Variants in MYO5B observed in about 807,000 individuals in gnomAD.
MYO5B encodes the protein myosin VB, also known as unconventional myosin-Vb.
A neutral mutation model predicts 229.3 loss-of-function variants in MYO5B; 143 were observed. That is an observed-to-expected ratio of 0.62 (90% CI 0.54 to 0.72). MYO5B has a LOEUF of 0.72. MYO5B is among the 30% of genes least tolerant of loss of function. The probability of loss-of-function intolerance (pLI) is 0.00; values close to 1 mark genes in which losing one functional copy is unlikely to be tolerated. For missense variants in MYO5B, 2,321 were observed against 2,331.0 expected, an observed-to-expected ratio of 1.00 and a Z score of 0.09; for synonymous variants, 918 against 885.2, an observed-to-expected ratio of 1.04 and a Z score of -0.66.
rs959936159 is a variant in MYO5B at position 49,958,081 on chromosome 18, T to C, written c.1546-3646A>G. Among the ~76,000 whole-genome samples the C allele has an allele frequency of 5.3e-5, 8 of 152,226 alleles. No individual in the cohort carries two copies. The South Asian group carries it at 1.7e-3, about 32-fold the overall frequency. On this transcript the variant is annotated intron_variant, in intron 12 of 39. Coordinates refer to ENST00000285039, the MANE Select transcript of MYO5B (RefSeq NM_001080467.3). ...TGCACGCTCAGCAAAACATTAATTC[T>C]AGATAAATCCAACTACCCATTCTCT...
At chr18:50,122,213 C>G (rs753067912) in intron 1 of MYO5B, among the ~76,000 whole-genome samples, 4 of 152,114 alleles carry the variant, frequency 2.6e-5, no homozygotes, top group Non-Finnish European at 5.9e-5. Flanking sequence ...AAACACCCTT[C>G]TCCTAATCAC....
intron 19 of MYO5B, among the ~76,000 whole-genome samples, chr18:49,905,164 C>G (rs2024885808): frequency 6.6e-6 from 1 of 152,226 alleles, no homozygotes; most frequent in South Asian, 2.1e-4. Context: ...TCACCAGTAG[C>G]ATTCTACATC....
intron 6 of MYO5B, among the ~76,000 whole-genome samples, chr18:49,991,470 C>T (rs762556550): frequency 5.3e-5 from 8 of 151,970 alleles, no homozygotes; most frequent in South Asian, 2.1e-4. Context: ...CTTCTATCGG[C>T]GTTGTGAGTT....
At chr18:49,898,036 T>C (rs147861355) in intron 21 of MYO5B, among the ~76,000 whole-genome samples, 5 of 152,326 alleles carry the variant, frequency 3.3e-5, no homozygotes, top group Non-Finnish European at 4.4e-5. Context: ...CACCTGCCTA[T>C]GATATTCAGT....
intron 2 of MYO5B, 32 bp from the exon 3 acceptor site, chr18:50,040,346 G>T: frequency 6.2e-7 from 1 of 1,607,310 alleles, no homozygotes; most frequent in East Asian, 2.2e-5. Context: ...ACACAAAAAG[G>T]TGGTTATGAA....
chr18:50,140,127 T>A (rs372553680), intron 1 of MYO5B, among the ~76,000 whole-genome samples: 9 of 152,340 alleles, frequency 5.9e-5, no homozygotes, highest in African/African-American at 2.2e-4. Flanking sequence ...GTGGAACAGT[T>A]AGGTCATTCT....
intron 29 of MYO5B, among the ~76,000 whole-genome samples, chr18:49,857,394 C>T (rs2024275184): frequency 1.3e-5 from 2 of 152,210 alleles, no homozygotes; most frequent in South Asian, 4.1e-4. Flanking sequence ...CACATTGCAT[C>T]TGCAGAGCAG....
chr18:50,186,351 C>CATTT (rs1484002383), intron 1 of MYO5B, among the ~76,000 whole-genome samples: 3 of 152,188 alleles, frequency 2.0e-5, no homozygotes, highest in Non-Finnish European at 4.4e-5. Context: ...TTTCAATAAT[C>CATTT]ATTTGTATTC....
chr18:49,874,405 T>G (rs1048166574), intron 26 of MYO5B, among the ~76,000 whole-genome samples: 2 of 152,218 alleles, frequency 1.3e-5, no homozygotes, highest in East Asian at 3.9e-4. Flanking sequence ...TTTTCATAGA[T>G]TTGATTTGCA....
intron 19 of MYO5B, among the ~76,000 whole-genome samples, chr18:49,905,472 C>A (rs2024888950): frequency 6.6e-6 from 1 of 152,096 alleles, no homozygotes; most frequent in East Asian, 1.9e-4. Context: ...GCTGCCAGGC[C>A]TATAACAAGT....
chr18:49,949,416 C>T (rs925187027), intron 14 of MYO5B, among the ~76,000 whole-genome samples: 9 of 151,884 alleles, frequency 5.9e-5, no homozygotes, highest in Non-Finnish European at 1.5e-5. Context: ...TTTAAAGAGG[C>T]ATCTCTTTAC....
chr18:49,891,331 A>T (rs1614471), intron 22 of MYO5B, among the ~76,000 whole-genome samples: 1 of 151,878 alleles, frequency 6.6e-6, no homozygotes, highest in Non-Finnish European at 1.5e-5. Context: ...CCCACAGGTC[A>T]CCCTCCATCC....
intron 9 of MYO5B, among the ~76,000 whole-genome samples, chr18:49,979,315 G>C (rs2025789218): frequency 2.0e-5 from 3 of 152,204 alleles, no homozygotes; most frequent in Non-Finnish European, 4.4e-5. Flanking sequence ...GGCCCGACAG[G>C]GGAGCTTCAA....
Position 49,945,871 on chromosome 18 carries a change from C to CATGG in MYO5B, c.1752+7388_1752+7389insCCAT, listed in dbSNP as rs2025366931. Among the ~76,000 whole-genome samples the CATGG allele has an allele frequency of 2.0e-5, 3 of 152,134 alleles. No individual in the cohort carries two copies. In the South Asian group the frequency reaches 6.2e-4, roughly 32 times the overall value. ...GCCCGTCAGACTGGTGCTGAGAAAG[C>CATGG]TCCATGGGGAAATAATGGGAGGCTG... On this transcript the variant is annotated intron_variant, in intron 14 of 39. Coordinates refer to ENST00000285039, the MANE Select transcript of MYO5B (RefSeq NM_001080467.3).
intron 5 of MYO5B, among the ~76,000 whole-genome samples, chr18:49,992,713 CTCT>C (rs1422761144): frequency 6.6e-6 from 1 of 152,136 alleles, no homozygotes; most frequent in Non-Finnish European, 1.5e-5. Context: ...CCCACTGTCC[CTCT>C]TCTTCCTTCT....
At chr18:49,882,647 A>C (rs1464645001) in intron 22 of MYO5B, among the ~76,000 whole-genome samples, 2 of 149,950 alleles carry the variant, frequency 1.3e-5, no homozygotes, top group African/African-American at 2.4e-5. Flanking sequence ...AAAAAGAAAG[A>C]GGAAACCCAC....
rs868305408 is a variant in MYO5B, at chr18:49,897,347, G to A, written c.2812-2173C>T. 3.9e-5 allele frequency among the ~76,000 whole-genome samples: 6 copies of A among 152,180 alleles called. No individual in the cohort carries two copies. The South Asian group carries it at 1.2e-3, about 32-fold the overall frequency. ...TCCAGTGGAACAAGATATGGAGGTG[G>A]AAGGCAGTGATACTGACGATCCTGA... is the stretch of plus-strand genomic sequence containing the variant. On this transcript the variant is annotated intron_variant, in intron 21 of 39. Coordinates refer to ENST00000285039, the MANE Select transcript of MYO5B (RefSeq NM_001080467.3).
chr18:49,946,070 G>A (rs957144383), intron 14 of MYO5B, among the ~76,000 whole-genome samples: 1 of 151,972 alleles, frequency 6.6e-6, no homozygotes, highest in Non-Finnish European at 1.5e-5. Context: ...ATTGGGTAGT[G>A]GGGAGGGGGT....
intron 22 of MYO5B, among the ~76,000 whole-genome samples, chr18:49,887,742 G>A (rs10083972): frequency 0.58 from 88,350 of 151,926 alleles, 25,842 homozygotes; most frequent in Middle Eastern, 0.67. Context: ...TTGCAGTGGC[G>A]CGATCTCAGC....
Sources: gnomAD v4.1 joint callset for allele counts (sites outside exome capture counted in the v4.1 genomes callset) on GRCh38, gnomAD v4.1.1 for gene constraint, MANE v1.5 for transcripts, NCBI Gene and HGNC (gene_info 2026-07-23, HGNC 2026-07-21) for gene names.